NOX4: variants seen among roughly 807,000 people sequenced by gnomAD.
The protein encoded by NOX4 is kidney oxidase-1.
Under a neutral mutation model 87.6 loss-of-function variants are expected in NOX4, and 69 were observed. That is an observed-to-expected ratio of 0.79 (90% CI 0.65 to 0.96). The LOEUF is 0.96. Ranked by LOEUF, NOX4 falls within the 40% of genes least tolerant of loss-of-function variation. The pLI, the probability that NOX4 is intolerant of heterozygous loss-of-function variation, is 0.00. For synonymous variants in NOX4, 275 were observed against 238.2 expected (o/e 1.15, Z -1.42); for missense variants, 680 against 681.5 (o/e 1.00, Z 0.02).
rs200495497 is a variant in NOX4, at chr11:89,360,842, G to GA, written c.1136-5800dup. Among the ~76,000 whole-genome samples, 728 of 151,996 alleles carry GA rather than the reference G, an allele frequency of 4.8e-3. 8 individuals carry two copies. Among genetic ancestry groups the GA allele is most frequent in the African/African-American group, 0.017 (695 of 41,484 alleles). ...AAGACATACAACAGCTAACAAACAT[G>GA]AAAAAATGGCCAACATCACTAATCA... On this transcript the variant is annotated intron_variant, in intron 12 of 17. Transcript: ENST00000263317.
At chr11:89,544,926 CAACA>C in the NOX4 span, among the ~76,000 whole-genome samples, 10 of 152,070 alleles carry the variant, frequency 6.6e-5, no homozygotes, top group East Asian at 1.5e-3. Flanking sequence ...ATGTACCAAA[CAACA>C]AACAAACAAA....
At chr11:89,362,173 G>GACACAGACACACACACACACACAC (rs936644259) in intron 12 of NOX4, among the ~76,000 whole-genome samples, 162 of 147,012 alleles carry the variant, frequency 1.1e-3, no homozygotes, top group African/African-American at 3.8e-3. Context: ...CACAGACACA[G>GACACAGACACACACACACACACAC]ACACACACAC....
intron 11 of NOX4, among the ~76,000 whole-genome samples, chr11:89,386,806 T>C (rs1234654741): frequency 6.6e-6 from 1 of 152,164 alleles, no homozygotes; most frequent in Non-Finnish European, 1.5e-5. Flanking sequence ...GTAATTATGC[T>C]GAACCCCCTT....
intron 17 of NOX4, among the ~76,000 whole-genome samples, chr11:89,330,853 C>G (rs1044566478): frequency 1.3e-5 from 2 of 151,830 alleles, no homozygotes; most frequent in African/African-American, 4.8e-5. Flanking sequence ...CAACATAAAG[C>G]AAACACTGAT....
intron 17 of NOX4, among the ~76,000 whole-genome samples, chr11:89,334,855 T>C (rs1945629247): frequency 6.6e-6 from 1 of 151,602 alleles, no homozygotes; most frequent in African/African-American, 2.4e-5. Context: ...ATATGATTAG[T>C]TCAAATGTAA....
At chr11:89,348,297 C>A (rs1946303723) in intron 13 of NOX4, among the ~76,000 whole-genome samples, 1 of 152,032 alleles carries the variant, frequency 6.6e-6, no homozygotes, top group Non-Finnish European at 1.5e-5. Flanking sequence ...TGCCTGTAAG[C>A]CCAGCTACTT....
chr11:89,552,554 C>G, the NOX4 span, among the ~76,000 whole-genome samples: 5 of 152,156 alleles, frequency 3.3e-5, no homozygotes, highest in African/African-American at 1.2e-4. Context: ...AAGTTACCAT[C>G]TAGATCAAAG....
At position 89,491,282 on chromosome 11, in the gene NOX4, C is replaced by CG; in HGVS notation, c.-37dup. On this transcript the variant is annotated 5_prime_UTR_variant, in exon 1 of 18. Transcript: ENST00000263317. ...CCGCCGCGCTGCGCTCTGTGCCCGC[C>CG]GGACCGAGAAGGAGCGGGCGGCGGC... 1 of 1,598,846 alleles carries CG rather than the reference C, an allele frequency of 6.3e-7. No individual in the cohort carries two copies. The highest frequency in any genetic ancestry group is 8.5e-7 in the Non-Finnish European group (1 of 1,172,226).
the NOX4 span, among the ~76,000 whole-genome samples, chr11:89,544,746 T>A: frequency 6.6e-6 from 1 of 151,924 alleles, no homozygotes; most frequent in Admixed American, 6.6e-5. Context: ...GGCTCAGTAA[T>A]TTGCTGTATG....
At chr11:89,589,102 T>TCTTTTGAATAAATCAGTGACA in the NOX4 span, among the ~76,000 whole-genome samples, 1 of 152,198 alleles carries the variant, frequency 6.6e-6, no homozygotes, top group Non-Finnish European at 1.5e-5. Context: ...TCATCTACCT[T>TCTTTTGAATAAATCAGTGACA]GCTCCCAATT....
chr11:89,451,696 G>C, intron 3 of NOX4, 89 bp downstream of exon 3: 2 of 866,876 alleles, frequency 2.3e-6, no homozygotes, highest in Non-Finnish European at 3.8e-6. Flanking sequence ...CCAGTCAAAA[G>C]TCAGACTATG....
intron 11 of NOX4, among the ~76,000 whole-genome samples, chr11:89,375,842 T>A (rs1939802076): frequency 6.6e-6 from 1 of 152,168 alleles, no homozygotes; most frequent in Admixed American, 6.5e-5. Context: ...GAACTAGATC[T>A]CAGGTTATGA....
chr11:89,336,083 C>A, intron 16 of NOX4, 138 bp from the exon 17 acceptor site: 1 of 446,446 alleles, frequency 2.2e-6, no homozygotes, highest in South Asian at 5.7e-5. Context: ...CAACCTATCA[C>A]GTACAATTAT....
At chr11:89,377,758 G>A (rs541354244) in intron 11 of NOX4, among the ~76,000 whole-genome samples, 1 of 152,044 alleles carries the variant, frequency 6.6e-6, no homozygotes, top group African/African-American at 2.4e-5. Context: ...AAAACTAAAT[G>A]TGTTAAACCT....
chr11:89,451,056 C>A (rs1391004364), intron 3 of NOX4, among the ~76,000 whole-genome samples: 3 of 124,822 alleles, frequency 2.4e-5, no homozygotes, highest in African/African-American at 9.4e-5. Context: ...CACACCAGGG[C>A]CTGTTGTGGG....
At chr11:89,500,858 C>T (rs495926), upstream of NOX4, among the ~76,000 whole-genome samples, 101,548 of 151,916 alleles carry the variant, frequency 0.67, 35,448 homozygotes, top group Non-Finnish European at 0.81. Context: ...TTTTAGGTTA[C>T]AGCTGCTTAA....
the NOX4 span, among the ~76,000 whole-genome samples, chr11:89,570,913 T>C: frequency 6.6e-6 from 1 of 152,246 alleles, no homozygotes; most frequent in Admixed American, 6.5e-5. Flanking sequence ...GAAGGAGAAT[T>C]AATCTCTATC....
chr11:89,570,041 C>A, the NOX4 span, among the ~76,000 whole-genome samples: 2 of 151,542 alleles, frequency 1.3e-5, no homozygotes, highest in African/African-American at 4.8e-5. Flanking sequence ...AACTGTTCTG[C>A]CAGAAAGACA....
At chr11:89,332,269 T>C (rs1305000790) in intron 17 of NOX4, among the ~76,000 whole-genome samples, 2 of 151,792 alleles carry the variant, frequency 1.3e-5, no homozygotes, top group Non-Finnish European at 2.9e-5. Flanking sequence ...TATTCTTAAA[T>C]TGTATTGTTT....
Sources: allele counts gnomAD v4.1 joint callset (sites outside exome capture counted in the v4.1 genomes callset), GRCh38; gene constraint gnomAD v4.1.1; transcripts MANE v1.5; gene names NCBI Gene and HGNC (gene_info 2026-07-23, HGNC 2026-07-21).